PLEKHA7: variants seen among roughly 807,000 people sequenced by gnomAD.
The protein encoded by PLEKHA7 is pleckstrin homology domain containing A7.
PLEKHA7 carries 104 observed loss-of-function variants against 170.0 expected under a neutral mutation model. The observed-to-expected ratio is 0.61, with a 90% CI of 0.52 to 0.72. The LOEUF (loss-of-function observed/expected upper bound fraction) is 0.72. Ranked by LOEUF, PLEKHA7 falls within the 30% of genes least tolerant of loss-of-function variation. PLEKHA7 has a pLI of 0.00. For missense variants in PLEKHA7, 1,615 were observed against 1,671.7 expected (o/e 0.97, Z 0.59); for synonymous variants, 648 against 660.8 (o/e 0.98, Z 0.30).
intron 15 of PLEKHA7, 142 bp downstream of exon 15, chr11:16,802,830 G>T (rs1848688823): frequency 1.3e-6 from 1 of 742,072 alleles, no homozygotes; most frequent in South Asian, 1.7e-5. Flanking sequence ...ACAGGCATGA[G>T]CCACCGCACC....
At chr11:16,986,611 T>C (rs1863740583) in intron 3 of PLEKHA7, among the ~76,000 whole-genome samples, 1 of 152,098 alleles carries the variant, frequency 6.6e-6, no homozygotes, top group African/African-American at 2.4e-5. Context: ...CACTTTCACT[T>C]TGAGCACACA....
chr11:16,814,355 G>C (rs1358805698), intron 12 of PLEKHA7, among the ~76,000 whole-genome samples: 1 of 152,156 alleles, frequency 6.6e-6, no homozygotes, highest in Admixed American at 6.5e-5. Context: ...CACTAAAACA[G>C]AACAAGGAAG....
intron 3 of PLEKHA7, among the ~76,000 whole-genome samples, chr11:16,968,809 A>G (rs1465961501): frequency 6.6e-6 from 1 of 152,088 alleles, no homozygotes; most frequent in Admixed American, 6.6e-5. Flanking sequence ...TCCCCCACTT[A>G]ACACTCTATA....
intron 3 of PLEKHA7, among the ~76,000 whole-genome samples, chr11:16,875,439 TTC>T (rs1322107809): frequency 7.9e-5 from 6 of 75,988 alleles, no homozygotes; most frequent in Non-Finnish European, 1.9e-4. Flanking sequence ...TCTTAAAAAT[TTC>T]TTTCCTTTTT....
At chr11:17,007,644 G>A (rs1475732177) in intron 3 of PLEKHA7, among the ~76,000 whole-genome samples, 1 of 149,140 alleles carries the variant, frequency 6.7e-6, no homozygotes, top group East Asian at 2.0e-4. Flanking sequence ...CGTGAGCTCA[G>A]TTCACGGCAA....
At chr11:16,918,970 G>A (rs1167225015) in intron 3 of PLEKHA7, among the ~76,000 whole-genome samples, 4 of 152,102 alleles carry the variant, frequency 2.6e-5, no homozygotes, top group Admixed American at 6.5e-5. Context: ...CAGCACTTTG[G>A]GAGGCCAAGG....
Position 16,982,692 on chromosome 11 carries a change from C to T in PLEKHA7, c.221+31297G>A, listed in dbSNP as rs574665979. 8.5e-5 allele frequency among the ~76,000 whole-genome samples: 13 copies of T among 152,150 alleles called. No individual in the cohort carries two copies. The South Asian group carries it at 2.3e-3, about 27-fold the overall frequency. ...CTCTGACCTCTGCCACCTGTGTCCACGACCTGACCCAGGCACAGGTGGCCC... is the reference window on the plus strand; with the variant it reads ...CTCTGACCTCTGCCACCTGTGTCCATGACCTGACCCAGGCACAGGTGGCCC... On this transcript the variant is annotated intron_variant, in intron 3 of 26. Coordinates refer to ENST00000531066, the MANE Select transcript of PLEKHA7 (RefSeq NM_001329630.2).
intron 17 of PLEKHA7, among the ~76,000 whole-genome samples, chr11:16,797,378 G>A (rs1808565301): frequency 6.6e-6 from 1 of 152,166 alleles, no homozygotes; most frequent in African/African-American, 2.4e-5. Context: ...AAGAGTTCTT[G>A]CACTGCATGA....
intron 3 of PLEKHA7, among the ~76,000 whole-genome samples, chr11:16,881,785 C>T (rs1202415908): frequency 1.3e-5 from 2 of 152,166 alleles, no homozygotes; most frequent in Non-Finnish European, 2.9e-5. Flanking sequence ...GAAACAATGG[C>T]TCCTTATCAA....
At chr11:16,979,945 T>C (rs537229515) in intron 3 of PLEKHA7, among the ~76,000 whole-genome samples, 89 of 151,874 alleles carry the variant, frequency 5.9e-4, no homozygotes, top group African/African-American at 2.1e-3. Context: ...CCACAAGGAG[T>C]GGCCACACTG....
intron 3 of PLEKHA7, among the ~76,000 whole-genome samples, chr11:16,957,697 CTTTT>C (rs1169142909): frequency 4.5e-4 from 39 of 87,288 alleles, no homozygotes; most frequent in Admixed American, 1.6e-3. Flanking sequence ...TAATTTTTTT[CTTTT>C]TTTTTTTTTT....
chr11:16,982,439 G>A (rs551018604), intron 3 of PLEKHA7, among the ~76,000 whole-genome samples: 185 of 152,364 alleles, frequency 1.2e-3, no homozygotes, highest in African/African-American at 4.3e-3. Flanking sequence ...ATCCAGTGCT[G>A]AGCCCAGAAA....
intron 3 of PLEKHA7, among the ~76,000 whole-genome samples, chr11:16,970,858 T>C (rs1862667362): frequency 6.6e-6 from 1 of 152,206 alleles, no homozygotes; most frequent in Non-Finnish European, 1.5e-5. Context: ...AAAATGTTAA[T>C]AGTAGTTAAA....
chr11:16,895,184 A>G (rs893663603), intron 3 of PLEKHA7, among the ~76,000 whole-genome samples: 2 of 152,120 alleles, frequency 1.3e-5, no homozygotes, highest in African/African-American at 2.4e-5. Context: ...ATAAGAAGCT[A>G]TCTTATTAGG....
intron 3 of PLEKHA7, among the ~76,000 whole-genome samples, chr11:17,007,986 A>C (rs1242460874): frequency 2.6e-5 from 4 of 152,194 alleles, no homozygotes; most frequent in Admixed American, 6.5e-5. Context: ...TTTTTCAATA[A>C]GGAGCCTTGC....
chr11:16,850,287 C>G (rs147962676), intron 8 of PLEKHA7, among the ~76,000 whole-genome samples: 1,594 of 152,274 alleles, frequency 0.01, 14 homozygotes, highest in Non-Finnish European at 0.016. Flanking sequence ...GGACAGGAGC[C>G]CCTACTCCAG....
chr11:16,961,049 C>T (rs1337436391), intron 3 of PLEKHA7, among the ~76,000 whole-genome samples: 1 of 152,206 alleles, frequency 6.6e-6, no homozygotes, highest in African/African-American at 2.4e-5. Context: ...TGCCCCGTGC[C>T]CAAGAGGGGG....
At chr11:16,965,711 C>G (rs1862330135) in intron 3 of PLEKHA7, among the ~76,000 whole-genome samples, 1 of 152,164 alleles carries the variant, frequency 6.6e-6, no homozygotes, top group Non-Finnish European at 1.5e-5. Context: ...AGTGGCAACC[C>G]CATTAACTTC....
intron 3 of PLEKHA7, among the ~76,000 whole-genome samples, chr11:16,945,658 T>G (rs1860982633): frequency 6.6e-6 from 1 of 152,220 alleles, no homozygotes; most frequent in Admixed American, 6.5e-5. Flanking sequence ...GATAAAAACT[T>G]TGATCCAGGA....
Sources: gnomAD v4.1 joint callset for allele counts (sites outside exome capture counted in the v4.1 genomes callset) on GRCh38, gnomAD v4.1.1 for gene constraint, MANE v1.5 for transcripts, NCBI Gene and HGNC (gene_info 2026-07-23, HGNC 2026-07-21) for gene names.